TEX11: variants seen among roughly 807,000 people sequenced by gnomAD.
The protein encoded by TEX11 is testis expressed 11, also known as testis-expressed protein 11.
A neutral mutation model predicts 84.4 loss-of-function variants in TEX11; 7 were observed. That is an observed-to-expected ratio of 0.08 (90% CI 0.05 to 0.16). TEX11 has a LOEUF of 0.16. TEX11 is among the 10% of genes least tolerant of loss of function. The probability of loss-of-function intolerance (pLI) is 1.00; values close to 1 mark genes in which losing one functional copy is unlikely to be tolerated. For synonymous variants in TEX11, 264 were observed against 222.8 expected (o/e 1.18, Z -1.64); for missense variants, 551 against 660.5 (o/e 0.83, Z 1.82).
intron 13 of TEX11, among the ~76,000 whole-genome samples, chrX:70,719,340 CTTAAG>C (rs2090535427): frequency 8.9e-6 from 1 of 111,982 alleles, no homozygotes; most frequent in African/African-American, 3.2e-5. Flanking sequence ...TGTAGTCATA[CTTAAG>C]TTATTTTGAC....
At chrX:70,769,617 CTATT>C (rs2090960324) in intron 9 of TEX11, among the ~76,000 whole-genome samples, 1 of 111,671 alleles carries the variant, frequency 9.0e-6, no homozygotes, top group African/African-American at 3.2e-5. Flanking sequence ...CCTAACTTCT[CTATT>C]TGAAGCAACA....
At chrX:70,653,499 G>T (rs2089831483) in intron 16 of TEX11, among the ~76,000 whole-genome samples, 1 of 112,034 alleles carries the variant, frequency 8.9e-6, no homozygotes, top group African/African-American at 3.2e-5. Context: ...ATATCACTAT[G>T]CATCTATTAG....
the TEX11 span, among the ~76,000 whole-genome samples, chrX:70,519,304 C>G: frequency 1.8e-3 from 203 of 111,795 alleles, no homozygotes; most frequent in Non-Finnish European, 3.1e-3. Flanking sequence ...GTAAGGGAGG[C>G]CTGCTGGTGA....
At chrX:70,773,778 T>C (rs2090985050) in intron 9 of TEX11, among the ~76,000 whole-genome samples, 1 of 111,705 alleles carries the variant, frequency 9.0e-6, no homozygotes. Flanking sequence ...TAGTACATAA[T>C]AATACTTCAA....
rs754977606 is a variant in TEX11 at position 70,606,972 on chromosome X, A to G, written c.1937T>C (p.Ile646Thr). 8.4e-7 allele frequency: 1 copy of G among 1,191,978 alleles called. No homozygotes were observed. The highest frequency in any genetic ancestry group is 1.1e-6 in the Non-Finnish European group (1 of 885,409). The change falls in exon 23 of 30, where the codon ATA (isoleucine) becomes ACA (threonine). Residue 646 changes from isoleucine (I) to threonine (T), a missense_variant. Coordinates refer to ENST00000374333, the MANE Select transcript of TEX11 (RefSeq NM_031276.3). ...AAAGAAACTTACCTTATAAGAAAGTATAAAAAACTCTCTCATCATCACTGG... is the reference window on the plus strand; with the variant it reads ...AAAGAAACTTACCTTATAAGAAAGTGTAAAAAACTCTCTCATCATCACTGG... ...KDPVMMREFFILSYKMSQFCP... is the reference protein window; with the variant it reads ...KDPVMMREFFTLSYKMSQFCP...
At chrX:70,553,621 C>G (rs923358320) in intron 26 of TEX11, among the ~76,000 whole-genome samples, 2 of 111,359 alleles carry the variant, frequency 1.8e-5, no homozygotes, top group Admixed American at 9.6e-5. Context: ...GTGGGATTAC[C>G]AGGTAACATC....
At chrX:70,546,000 G>T (rs1313915307) in intron 28 of TEX11, among the ~76,000 whole-genome samples, 2 of 112,015 alleles carry the variant, frequency 1.8e-5, no homozygotes, top group Non-Finnish European at 3.8e-5. Context: ...GGCATGTAGT[G>T]TTCTTAATGT....
intron 2 of TEX11, among the ~76,000 whole-genome samples, chrX:70,900,397 AG>A (rs1367433257): frequency 1.9e-5 from 2 of 103,719 alleles, no homozygotes; most frequent in Non-Finnish European, 3.9e-5. Flanking sequence ...AAAAAAAAAA[AG>A]AAGAAGAAGA....
chrX:70,789,272 C>T (rs779394015), intron 9 of TEX11, among the ~76,000 whole-genome samples: 2 of 110,326 alleles, frequency 1.8e-5, no homozygotes, highest in East Asian at 2.9e-4. Flanking sequence ...TGCTCAAAAT[C>T]GCTACACATT....
At chrX:70,599,082 A>C (rs1229058526) in intron 24 of TEX11, among the ~76,000 whole-genome samples, 3 of 112,183 alleles carry the variant, frequency 2.7e-5, no homozygotes, top group South Asian at 7.4e-4. Flanking sequence ...GTTAAAATAT[A>C]ATCAAGGATA....
intron 16 of TEX11, among the ~76,000 whole-genome samples, chrX:70,657,454 T>TC (rs2089879349): frequency 1.2e-5 from 1 of 85,368 alleles, no homozygotes. Context: ...TTGTAAAAAA[T>TC]TAAAAAAAAA....
chrX:70,740,606 T>A, intron 11 of TEX11, 95 bp downstream of exon 11: 1 of 525,371 alleles, frequency 1.9e-6, no homozygotes, highest in Non-Finnish European at 3.0e-6. Flanking sequence ...TCTGTGAGAG[T>A]AAATGCTGAA....
intron 24 of TEX11, among the ~76,000 whole-genome samples, chrX:70,602,638 G>A (rs1280750463): frequency 1.9e-5 from 2 of 107,723 alleles, no homozygotes; most frequent in African/African-American, 6.8e-5. Context: ...TTGAAAACTG[G>A]CACAAGACAG....
intron 12 of TEX11, among the ~76,000 whole-genome samples, chrX:70,723,480 C>A (rs2090576404): frequency 9.0e-6 from 1 of 111,295 alleles, no homozygotes; most frequent in African/African-American, 3.3e-5. Flanking sequence ...AGTTACAATT[C>A]TGTAATAAAA....
chrX:70,688,342 C>T (rs1214159851), intron 13 of TEX11, among the ~76,000 whole-genome samples: 6 of 111,597 alleles, frequency 5.4e-5, no homozygotes, highest in African/African-American at 2.0e-4. Context: ...TGAATGTTTA[C>T]AGCAACTTTA....
intron 27 of TEX11, 46 bp from the exon 28 acceptor site, chrX:70,552,292 T>C (rs377661844): frequency 1.0e-5 from 12 of 1,187,207 alleles, no homozygotes; most frequent in African/African-American, 8.9e-5. Context: ...AAAGAAATCA[T>C]TGGCTTCATG....
chrX:70,823,418 A>G (rs994611319), intron 8 of TEX11, among the ~76,000 whole-genome samples: 2 of 110,871 alleles, frequency 1.8e-5, no homozygotes, highest in Non-Finnish European at 3.8e-5. Flanking sequence ...TCTCACCACA[A>G]AAAAAAAGGT....
intron 28 of TEX11, among the ~76,000 whole-genome samples, chrX:70,530,865 T>G (rs761351711): frequency 1.9e-4 from 21 of 111,769 alleles, no homozygotes; most frequent in Non-Finnish European, 3.9e-4. Flanking sequence ...ACACAAGGCA[T>G]CCACATGTAA....
intron 9 of TEX11, among the ~76,000 whole-genome samples, chrX:70,755,450 G>A (rs184575495): frequency 3.2e-4 from 36 of 111,491 alleles, no homozygotes; most frequent in African/African-American, 9.1e-4. Context: ...GCTTGAAGAC[G>A]GGCTATTTGA....
Sources: allele counts gnomAD v4.1 joint callset (sites outside exome capture counted in the v4.1 genomes callset), GRCh38; gene constraint gnomAD v4.1.1; transcripts MANE v1.5; gene names NCBI Gene and HGNC (gene_info 2026-07-23, HGNC 2026-07-21).